Variants in LITAF observed in about 807,000 individuals in gnomAD.
LITAF encodes the protein lipopolysaccharide induced TNF factor.
In LITAF, 9 loss-of-function variants were observed where a neutral mutation model predicts 14.5. That is an observed-to-expected ratio of 0.62 (90% CI 0.37 to 1.08). The LOEUF (loss-of-function observed/expected upper bound fraction) is 1.08, where lower values mean the gene tolerates loss of function less well. Ranked by LOEUF, LITAF falls within the 50% of genes least tolerant of loss-of-function variation. The pLI is 0.01. For missense variants in LITAF, 206 were observed against 213.4 expected, an observed-to-expected ratio of 0.97 and a Z score of 0.22; for synonymous variants, 98 against 88.2, an observed-to-expected ratio of 1.11 and a Z score of -0.62.
At chr16:11,639,455 A>T (rs2141918417), upstream of LITAF, among the ~76,000 whole-genome samples, 1 of 149,744 alleles carries the variant, frequency 6.7e-6, no homozygotes, top group Non-Finnish European at 1.5e-5. Context: ...GGATGCATGG[A>T]TGGGTGGGTG....
At chr16:11,580,464 G>A (rs928885780) in intron 1 of LITAF, among the ~76,000 whole-genome samples, 5 of 152,042 alleles carry the variant, frequency 3.3e-5, no homozygotes, top group African/African-American at 1.2e-4. Context: ...CACCATGTTG[G>A]CCAGGCTGTT....
chr16:11,566,657 C>T (rs566745256), intron 1 of LITAF, among the ~76,000 whole-genome samples: 85 of 152,200 alleles, frequency 5.6e-4, no homozygotes, highest in African/African-American at 1.9e-3. Flanking sequence ...CCCAGCTACT[C>T]GGAGGCTGAG....
At chr16:11,608,526 C>G (rs1011231128) in intron 3 of LITAF, among the ~76,000 whole-genome samples, 1 of 152,194 alleles carries the variant, frequency 6.6e-6, no homozygotes, top group Non-Finnish European at 1.5e-5. Flanking sequence ...AAATGTCCGT[C>G]GACAGACAAG....
chr16:11,602,907 C>G (rs1343377614), upstream of LITAF, among the ~76,000 whole-genome samples: 1 of 151,958 alleles, frequency 6.6e-6, no homozygotes, highest in Non-Finnish European at 1.5e-5. Flanking sequence ...GGCCAGGAGT[C>G]CCAGACCAGC....
At chr16:11,602,402 G>C (rs1469925765), upstream of LITAF, among the ~76,000 whole-genome samples, 1 of 152,092 alleles carries the variant, frequency 6.6e-6, no homozygotes, top group East Asian at 1.9e-4. Flanking sequence ...AAGGAGGAAG[G>C]AAGAGCCCTA....
At chr16:11,581,192 T>A (rs1801256125) in intron 1 of LITAF, among the ~76,000 whole-genome samples, 1 of 152,262 alleles carries the variant, frequency 6.6e-6, no homozygotes, top group South Asian at 2.1e-4. Flanking sequence ...TTTCATCCGT[T>A]AATCTATCAT....
At chr16:11,627,411 G>A (rs778911124) in intron 3 of LITAF, among the ~76,000 whole-genome samples, 1 of 152,228 alleles carries the variant, frequency 6.6e-6, no homozygotes, top group Non-Finnish European at 1.5e-5. Flanking sequence ...CTGAGCTTCT[G>A]GATCCAGCCA....
chr16:11,609,560 G>C (rs752927295), intron 3 of LITAF, among the ~76,000 whole-genome samples: 1 of 152,078 alleles, frequency 6.6e-6, no homozygotes, highest in Non-Finnish European at 1.5e-5. Flanking sequence ...TGTAAATTAC[G>C]TATCCAAAAC....
At chr16:11,630,254 T>G (rs1244252467) in intron 3 of LITAF, among the ~76,000 whole-genome samples, 1 of 152,174 alleles carries the variant, frequency 6.6e-6, no homozygotes, top group Non-Finnish European at 1.5e-5. Context: ...CCAGCTGGCA[T>G]GACTGATCGA....
In LITAF at chr16:11,549,803, G is replaced by A. The variant is rs2064157762; in HGVS notation, c.378-58C>T. 7.3e-7 allele frequency: 1 copy of A among 1,364,852 alleles called. No homozygotes were observed. The highest frequency in any genetic ancestry group is 1.9e-5 in the Admixed American group (1 of 52,886). 84.5% of individuals were successfully genotyped at this position (1,364,852 alleles called of 1,614,324 possible). On this transcript the variant is annotated intron_variant, in intron 3 of 3. Transcript: ENST00000622633. The surrounding 1 kb of genome is among the most constrained non-coding windows in gnomAD (Gnocchi z 4.6). ...ACTGATCACAACAGGGTGAACACTG[G>A]CTGCCAAAACCATGTTCATGTCCTT...
upstream of LITAF, among the ~76,000 whole-genome samples, chr16:11,601,351 C>A (rs1009421531): frequency 6.6e-6 from 1 of 151,620 alleles, no homozygotes; most frequent in Non-Finnish European, 1.5e-5. Flanking sequence ...GGGGCTACCA[C>A]AATTAGACCC....
In LITAF at chr16:11,605,319, G is replaced by C. The variant is rs1011453645; in HGVS notation, c.85+28214C>G. On this transcript the variant is annotated intron_variant, in intron 3 of 3. Coordinates refer to the LITAF transcript ENST00000574848. The surrounding 1 kb of genome is among the most constrained non-coding windows in gnomAD (Gnocchi z 4.7). ...TATTCAATGGGGGGATGCCACGCAG[G>C]TCTGGCTATGTCTTCAGAAACCCCC... 6.6e-6 allele frequency among the ~76,000 whole-genome samples: 1 copy of C among 152,152 alleles called. No homozygotes were observed. The highest frequency in any genetic ancestry group is 1.5e-5 in the Non-Finnish European group (1 of 68,026).
rs116185820 is a variant in LITAF at position 11,629,841 on chromosome 16, A to C, written c.85+3692T>G. ...TCATGGAGTGCGGTACGGATTAACA[A>C]GGCCATGTGGTAGGCGCTCTTCCCC... On this transcript the variant is annotated intron_variant, in intron 3 of 3. Coordinates refer to the LITAF transcript ENST00000574848. 3.6e-3 allele frequency among the ~76,000 whole-genome samples: 555 copies of C among 152,194 alleles called. 2 individuals carry two copies. The highest frequency in any genetic ancestry group is 0.013 in the African/African-American group (532 of 41,532).
At chr16:11,639,136 G>C (rs1020918558), upstream of LITAF, among the ~76,000 whole-genome samples, 5 of 151,940 alleles carry the variant, frequency 3.3e-5, no homozygotes, top group African/African-American at 1.2e-4. Flanking sequence ...GACAGGAATG[G>C]ATGCATAGAT....
In LITAF at chr16:11,586,102, T is replaced by C. The variant is rs2064801065; in HGVS notation, c.-6+784A>G. On this transcript the variant is annotated intron_variant, in intron 1 of 3. Transcript: ENST00000622633. The surrounding 1 kb of genome is among the most constrained non-coding windows in gnomAD (Gnocchi z 6.5). ...CCTAGCTTGGCAGGGAGGGGCGAGA[T>C]CCACTTCTGCCACCAGTCACCAGCT... The C allele has an allele frequency of 3.9e-5, 6 of 152,184 alleles. No homozygotes were observed. The highest frequency in any genetic ancestry group is 3.9e-4 in the Admixed American group (6 of 15,268). The allele number at this position is 152,184 out of a possible 1,614,324, so 9.4% of individuals were successfully genotyped here. A position where few individuals can be genotyped will look rare whatever the true frequency, so the allele number is the denominator to read the frequency against.
At chr16:11,604,326 C>G in intron 3 of LITAF, among the ~76,000 whole-genome samples, 1 of 152,090 alleles carries the variant, frequency 6.6e-6, no homozygotes, top group Non-Finnish European at 1.5e-5. Flanking sequence ...TCTCATGAGC[C>G]CCTGTGAAGC....
At chr16:11,563,150 T>C (rs1345372560) in intron 1 of LITAF, among the ~76,000 whole-genome samples, 1 of 129,630 alleles carries the variant, frequency 7.7e-6, no homozygotes, top group Non-Finnish European at 1.7e-5. Flanking sequence ...ATTATAATAA[T>C]AATAATTTTT....
upstream of LITAF, among the ~76,000 whole-genome samples, chr16:11,640,003 G>C (rs2065158290): frequency 6.6e-6 from 1 of 152,152 alleles, no homozygotes; most frequent in Non-Finnish European, 1.5e-5. Flanking sequence ...TTGAACTCCT[G>C]GCTCAAGCAA....
intron 1 of LITAF, among the ~76,000 whole-genome samples, chr16:11,557,406 C>A (rs570823017): frequency 4.6e-5 from 7 of 152,240 alleles, no homozygotes; most frequent in Admixed American, 1.3e-4. Flanking sequence ...CTCAGTTGTA[C>A]AATTAAAATG....
Sources: gnomAD v4.1 joint callset for allele counts (sites outside exome capture counted in the v4.1 genomes callset) on GRCh38, gnomAD v4.1.1 for gene constraint, Gnocchi (gnomAD v3.1) non-coding constraint, MANE v1.5 for transcripts, NCBI Gene and HGNC (gene_info 2026-07-23, HGNC 2026-07-21) for gene names.